Variants in TTC21B observed in about 807,000 individuals in gnomAD.
TTC21B encodes the protein tetratricopeptide repeat domain 21B.
A neutral mutation model predicts 175.1 loss-of-function variants in TTC21B; 127 were observed. The observed-to-expected ratio is 0.73, with a 90% CI of 0.63 to 0.84. The LOEUF is 0.84. Ranked by LOEUF, TTC21B falls within the 40% of genes least tolerant of loss-of-function variation. The pLI is 0.00. For synonymous variants in TTC21B, 524 were observed against 524.5 expected (o/e 1.00, Z 0.01); for missense variants, 1,561 against 1,558.3 (o/e 1.00, Z -0.03).
intron 6 of TTC21B, among the ~76,000 whole-genome samples, chr2:165,937,658 T>A (rs1687201175): frequency 6.6e-6 from 1 of 152,042 alleles, no homozygotes; most frequent in South Asian, 2.1e-4. Context: ...TATAAAATGA[T>A]ATCTATGAAA....
At position 165,930,187 on chromosome 2, in the gene TTC21B, C is replaced by T. The variant is rs1333523740; in HGVS notation, c.1072G>A (p.Val358Met). The stretch of plus-strand genomic sequence containing the variant: ...GTTGTCATACCAACTAGGGCAGACA[C>T]ACTAGTCTCATCAAGTGTCATGGCG... ...KTAMTLDETSVSALVGFIQCQ... is the reference protein window; with the variant it reads ...KTAMTLDETSMSALVGFIQCQ... The change falls in exon 9 of 29, where the codon GTG becomes ATG. Residue 358 changes from valine (V) to methionine (M), a missense_variant. Physicochemically the swap from Val to Met is conservative, Grantham distance 21. Transcript: ENST00000243344. 1.9e-6 allele frequency: 3 copies of T among 1,612,996 alleles called. No individual in the cohort carries two copies. Among genetic ancestry groups the T allele is most frequent in the Non-Finnish European group, 2.5e-6 (3 of 1,179,366 alleles).
At chr2:165,883,647 C>G (rs1181975256) in intron 26 of TTC21B, 147 bp downstream of exon 26, 1 of 685,676 alleles carries the variant, frequency 1.5e-6, no homozygotes, top group African/African-American at 1.8e-5. Flanking sequence ...ATTATTAATG[C>G]TTGTTTCCTG....
At chr2:165,925,322 A>G (rs1195506154) in intron 11 of TTC21B, among the ~76,000 whole-genome samples, 1 of 152,128 alleles carries the variant, frequency 6.6e-6, no homozygotes, top group African/African-American at 2.4e-5. Flanking sequence ...TATTCTTTTC[A>G]CTGTTTCTTC....
intron 18 of TTC21B, among the ~76,000 whole-genome samples, chr2:165,909,955 T>C (rs1685873950): frequency 6.6e-6 from 1 of 152,194 alleles, no homozygotes; most frequent in South Asian, 2.1e-4. Context: ...ATTGTGTATA[T>C]ATGAGAGGCA....
At chr2:165,875,760 C>T (rs981770863) in intron 28 of TTC21B, among the ~76,000 whole-genome samples, 7 of 151,670 alleles carry the variant, frequency 4.6e-5, no homozygotes, top group Admixed American at 1.3e-4. Flanking sequence ...CTTCAAATAT[C>T]TTCTAACTTA....
At chr2:165,914,012 C>G (rs1275075778) in intron 15 of TTC21B, among the ~76,000 whole-genome samples, 1 of 152,120 alleles carries the variant, frequency 6.6e-6, no homozygotes, top group African/African-American at 2.4e-5. Context: ...TTACTGTCCT[C>G]CTATGCATCT....
At chr2:165,930,540 AAG>A in intron 8 of TTC21B, among the ~76,000 whole-genome samples, 176 bp from the exon 9 acceptor site, 1 of 151,564 alleles carries the variant, frequency 6.6e-6, no homozygotes, top group East Asian at 1.9e-4. Flanking sequence ...TGCATCAAGA[AAG>A]AGTTTATATT....
chr2:165,928,673 T>C (rs1240377923), intron 11 of TTC21B: 1 of 175,258 alleles, frequency 5.7e-6, no homozygotes, highest in African/African-American at 2.4e-5. Flanking sequence ...TATGTCAATC[T>C]AGGGAGCAGA....
intron 16 of TTC21B, 113 bp from the exon 17 acceptor site, chr2:165,912,737 G>C: frequency 1.2e-6 from 1 of 845,578 alleles, no homozygotes; most frequent in Non-Finnish European, 2.0e-6. Context: ...ATAAGACTTG[G>C]CATATATTAA....
intron 19 of TTC21B, among the ~76,000 whole-genome samples, chr2:165,906,254 TAAAAAAAAAAAAAAAA>T (rs1163343694): frequency 4.4e-5 from 2 of 45,280 alleles, no homozygotes; most frequent in Non-Finnish European, 7.9e-5. Flanking sequence ...TTCAAGAGGC[TAAAAAAAAAAAAAAAA>T]AAAAAAAAAA....
At chr2:165,932,845 T>C in intron 7 of TTC21B, 128 bp downstream of exon 7, 1 of 825,684 alleles carries the variant, frequency 1.2e-6, no homozygotes, top group Non-Finnish European at 1.9e-6. Context: ...AACTAAAAAC[T>C]ACCATGATGT....
intron 18 of TTC21B, among the ~76,000 whole-genome samples, chr2:165,909,701 A>G (rs1685864262): frequency 6.6e-6 from 1 of 152,186 alleles, no homozygotes; most frequent in Non-Finnish European, 1.5e-5. Flanking sequence ...AGGTATATGT[A>G]TATAAACAAG....
intron 11 of TTC21B, among the ~76,000 whole-genome samples, chr2:165,926,757 G>A (rs1302478415): frequency 6.6e-6 from 1 of 151,610 alleles, no homozygotes; most frequent in East Asian, 1.9e-4. Flanking sequence ...ATATAAAGCA[G>A]GGAGAAAAAT....
intron 15 of TTC21B, among the ~76,000 whole-genome samples, chr2:165,914,016 T>C (rs537934635): frequency 6.6e-5 from 10 of 152,186 alleles, no homozygotes; most frequent in South Asian, 2.1e-4. Context: ...TGTCCTCCTA[T>C]GCATCTTGAG....
In TTC21B at chr2:165,876,229, T is replaced by C; in HGVS notation, c.3809A>G (p.Tyr1270Cys). The change falls in exon 28 of 29, where the codon TAC becomes TGC. Residue 1270 changes from tyrosine to cysteine, a missense_variant. By Grantham distance (194) the Tyr-to-Cys change is radical. Coordinates refer to ENST00000243344, the MANE Select transcript of TTC21B (RefSeq NM_024753.5). ...YSNRTNPAVG[Y>C]KLAFNYLKAK... ...TTTTAAGTAATTAAATGCCAGTTTG[T>C]ATCCTGTTAAGACAAAAACCATAAA... 6.3e-7 allele frequency: 1 copy of C among 1,587,616 alleles called. No individual in the cohort carries two copies.
At chr2:165,902,587 T>C (rs917302055) in intron 19 of TTC21B, among the ~76,000 whole-genome samples, 1 of 152,098 alleles carries the variant, frequency 6.6e-6, no homozygotes, top group Non-Finnish European at 1.5e-5. Flanking sequence ...AAGAAAAATA[T>C]AAGTATATAG....
intron 9 of TTC21B, 90 bp from the exon 10 acceptor site, chr2:165,929,837 C>T: frequency 1.2e-6 from 1 of 869,224 alleles, no homozygotes; most frequent in Non-Finnish European, 1.9e-6. Flanking sequence ...ATAAAACACC[C>T]TTTCCCCCAT....
In TTC21B at chr2:165,930,378, A is replaced by C; in HGVS notation, c.895-14T>G. ...ACTACGTCCACACTAAAAAGAAAAA[A>C]AAATGATGTAAGATTTCAAAGTCTA... is the stretch of plus-strand genomic sequence containing the variant. On this transcript the variant is annotated splice_polypyrimidine_tract_variant and intron_variant, in intron 8 of 28. Coordinates refer to ENST00000243344, the MANE Select transcript of TTC21B (RefSeq NM_024753.5). The C allele has an allele frequency of 6.3e-7, 1 of 1,584,040 alleles. No individual in the cohort carries two copies. Among genetic ancestry groups the C allele is most frequent in the Non-Finnish European group, 8.6e-7 (1 of 1,158,288 alleles).
chr2:165,881,777 C>T (rs1684844288), intron 26 of TTC21B, among the ~76,000 whole-genome samples: 1 of 151,768 alleles, frequency 6.6e-6, no homozygotes, highest in Non-Finnish European at 1.5e-5. Context: ...TAATTTTTTT[C>T]CAGAATATGA....
Sources: allele counts gnomAD v4.1 joint callset (sites outside exome capture counted in the v4.1 genomes callset), GRCh38; gene constraint gnomAD v4.1.1; transcripts MANE v1.5; gene names NCBI Gene and HGNC (gene_info 2026-07-23, HGNC 2026-07-21).